Variants in DISP2 observed in about 807,000 individuals in gnomAD.
The protein encoded by DISP2 is protein dispatched homolog 2.
Under a neutral mutation model 95.5 loss-of-function variants are expected in DISP2, and 59 were observed. That is an observed-to-expected ratio of 0.62 (90% CI 0.50 to 0.77). The LOEUF is 0.77. Ranked by LOEUF, DISP2 falls within the 30% of genes least tolerant of loss-of-function variation. The probability of loss-of-function intolerance (pLI) is 0.00; values close to 1 mark genes in which losing one functional copy is unlikely to be tolerated. For synonymous variants in DISP2, 827 were observed against 815.0 expected, an observed-to-expected ratio of 1.01 and a Z score of -0.25; for missense variants, 1,752 against 1,854.6, an observed-to-expected ratio of 0.94 and a Z score of 1.02.
rs749138299 is a variant in DISP2, at chr15:40,358,254, ACCG to A, written c.-45_-43del. The A allele has an allele frequency of 4.5e-3, 4,426 of 991,582 alleles. No individual in the cohort carries two copies. The highest frequency in any genetic ancestry group is 0.013 in the East Asian group (269 of 20,536). The allele number at this position is 991,582 out of a possible 1,614,324, so 61.4% of individuals were successfully genotyped here. ...GCACCCCGCCGCCGCTGCCGCCGCC[ACCG>A]CCGCCGCCGCCGCCGCCGCCGCGGC... On this transcript the variant is annotated 5_prime_UTR_variant, in exon 1 of 8. Transcript: ENST00000267889.
At chr15:40,362,656 A>C (rs1485759365) in intron 1 of DISP2, among the ~76,000 whole-genome samples, 1 of 152,214 alleles carries the variant, frequency 6.6e-6, no homozygotes, top group Non-Finnish European at 1.5e-5. Flanking sequence ...AGATAGGGAG[A>C]TTGAGACCTG....
In DISP2 at chr15:40,367,432, G is replaced by GC. The variant is rs1889517405; in HGVS notation, c.1323dup (p.Thr442HisfsTer23). ...CCCTCAAGTACAGCCTGCTCTTCCT[G>GC]CCCACCCCAAAGGGTGCTTCCCTCA... On this transcript the variant is annotated frameshift_variant, in exon 8 of 8. Transcript: ENST00000267889. LOFTEE classifies it high-confidence loss of function. 1 of 1,613,380 alleles carries GC rather than the reference G, an allele frequency of 6.2e-7. No homozygotes were observed. Among genetic ancestry groups the GC allele is most frequent in the Non-Finnish European group, 8.5e-7 (1 of 1,179,912 alleles).
At chr15:40,362,274 C>A (rs1418682208) in intron 1 of DISP2, among the ~76,000 whole-genome samples, 1 of 152,190 alleles carries the variant, frequency 6.6e-6, no homozygotes, top group Non-Finnish European at 1.5e-5. Flanking sequence ...TTTCCCTGAC[C>A]ACCCCACCCC....
chr15:40,365,391 C>T, intron 6 of DISP2, 117 bp downstream of exon 6: 1 of 1,491,658 alleles, frequency 6.7e-7, no homozygotes, highest in South Asian at 1.3e-5. Context: ...CAGCTGGCCA[C>T]AGTCAAGCCA....
Position 40,364,454 on chromosome 15 carries a change from C to G in DISP2, c.513C>G (p.Ala171=), listed in dbSNP as rs765464880. The part of the protein sequence containing the change: ...YSQLIAEWPV[A]VLMLCLAVIF... ...AGCTGATTGCTGAGTGGCCAGTGGC[C>G]GTGCTGATGCTGTGTCTGGCTGTCA... The change falls in exon 4 of 8, where the codon GCC becomes GCG. Residue 171 remains alanine, a synonymous_variant. Coordinates refer to ENST00000267889, the MANE Select transcript of DISP2 (RefSeq NM_033510.3). 6.2e-7 allele frequency: 1 copy of G among 1,614,010 alleles called. No individual in the cohort carries two copies. The highest frequency in any genetic ancestry group is 8.5e-7 in the Non-Finnish European group (1 of 1,180,034).
In DISP2 at chr15:40,368,429, GT is replaced by G; in HGVS notation, c.2321del (p.Leu774TrpfsTer23). The G allele has an allele frequency of 1.2e-6, 2 of 1,609,578 alleles. No homozygotes were observed. ...PQGEGGHMPVVLVWGVLPVDT... is the reference protein window; with the variant it reads ...PQGEGGHMPVXLVWGVLPVDT... Reference sequence around the variant, plus strand: ...GGGCGAGGGCGGCCACATGCCCGTGGTTTTGGTGTGGGGCGTCCTGCCTGTG... The same window carrying G: ...GGGCGAGGGCGGCCACATGCCCGTGGTTTGGTGTGGGGCGTCCTGCCTGTG... On this transcript the variant is annotated frameshift_variant, in exon 8 of 8. Coordinates refer to ENST00000267889, the MANE Select transcript of DISP2 (RefSeq NM_033510.3). LOFTEE classifies it high-confidence loss of function.
chr15:40,364,782 C>T (rs1889469388), intron 4 of DISP2, 56 bp from the exon 5 acceptor site: 1 of 1,553,078 alleles, frequency 6.4e-7, no homozygotes, highest in African/African-American at 1.4e-5. Flanking sequence ...TGAGAAGCAC[C>T]CAAATGGAGA....
Position 40,369,149 on chromosome 15 carries a change from C to A in DISP2, c.3037C>A (p.Gln1013Lys). The change falls in exon 8 of 8, where the codon CAG becomes AAG. Residue 1013 changes from glutamine (Q) to lysine (K), a missense_variant. Coordinates refer to ENST00000267889, the MANE Select transcript of DISP2 (RefSeq NM_033510.3). ...TVGLLVLLEW[Q>K]LNTAEALFLS... Reference sequence around the variant, plus strand: ...AGGACTCCTGGTTCTCCTCGAGTGGCAGCTCAACACTGCCGAGGCCCTGTT... The same window carrying A: ...AGGACTCCTGGTTCTCCTCGAGTGGAAGCTCAACACTGCCGAGGCCCTGTT... 2.5e-6 allele frequency: 4 copies of A among 1,613,924 alleles called. No homozygotes were observed. Among genetic ancestry groups the A allele is most frequent in the Non-Finnish European group, 3.4e-6 (4 of 1,180,046 alleles).
In DISP2 at chr15:40,364,933, C is replaced by A. The variant is rs980187747; in HGVS notation, c.699C>A (p.Ser233=). The change falls in exon 5 of 8, where the codon TCC becomes TCA. Residue 233 remains serine (S), a synonymous_variant. Coordinates refer to ENST00000267889, the MANE Select transcript of DISP2 (RefSeq NM_033510.3). ...GCCCCAGGAAGCTGCTTTTCCTTTCCCCAGACCTTGAGCTGAACAGGTAAC... is the reference window on the plus strand; with the variant it reads ...GCCCCAGGAAGCTGCTTTTCCTTTCACCAGACCTTGAGCTGAACAGGTAAC... The part of the protein sequence containing the change: ...LTGPRKLLFL[S]PDLELNSSSS... 1.2e-6 allele frequency: 2 copies of A among 1,614,118 alleles called. No individual in the cohort carries two copies. The highest frequency in any genetic ancestry group is 2.7e-5 in the African/African-American group (2 of 75,038).
In DISP2 at chr15:40,371,130, AC is replaced by A. The variant is rs1889637963; in HGVS notation, c.*815del. ...CTGACATTGGTCAGGTTCTTTTGACACCCAATTTATAGGTAAAGACATTGAG... is the reference window on the plus strand; with the variant it reads ...CTGACATTGGTCAGGTTCTTTTGACACCAATTTATAGGTAAAGACATTGAG... On this transcript the variant is annotated 3_prime_UTR_variant, in exon 8 of 8. Coordinates refer to ENST00000267889, the MANE Select transcript of DISP2 (RefSeq NM_033510.3). 1 of 154,340 alleles carries A rather than the reference AC, an allele frequency of 6.5e-6. No homozygotes were observed. Among genetic ancestry groups the A allele is most frequent in the Admixed American group, 6.3e-5 (1 of 15,762 alleles). 9.6% of individuals were successfully genotyped at this position (154,340 alleles called of 1,614,324 possible). A position where few individuals can be genotyped will look rare whatever the true frequency, so the allele number is the denominator to read the frequency against.
intron 1 of DISP2, among the ~76,000 whole-genome samples, chr15:40,359,465 A>G (rs898697426): frequency 2.6e-5 from 4 of 152,276 alleles, no homozygotes; most frequent in African/African-American, 9.6e-5. Flanking sequence ...AAAGCCTTCA[A>G]GAAGGTGAGA....
At position 40,371,976 on chromosome 15, in the gene DISP2, GA is replaced by G. The variant is rs1167606240; in HGVS notation, c.*1663del. The stretch of plus-strand genomic sequence containing the variant: ...TAACAAGAAAGGCTTTCTGGAGGAG[GA>G]AAAACTTGAGCTGGGCTTCAGAAGA... On this transcript the variant is annotated 3_prime_UTR_variant, in exon 8 of 8. Coordinates refer to ENST00000267889, the MANE Select transcript of DISP2 (RefSeq NM_033510.3). 6.6e-6 allele frequency: 1 copy of G among 152,170 alleles called. No homozygotes were observed. Among genetic ancestry groups the G allele is most frequent in the Non-Finnish European group, 1.5e-5 (1 of 68,040 alleles). 9.4% of individuals were successfully genotyped at this position (152,170 alleles called of 1,614,324 possible). A position where few individuals can be genotyped will look rare whatever the true frequency, so the allele number is the denominator to read the frequency against.
rs778360055 is a variant in DISP2 at position 40,370,331 on chromosome 15, G to T, written c.*13G>T. On this transcript the variant is annotated 3_prime_UTR_variant, in exon 8 of 8. Coordinates refer to ENST00000267889, the MANE Select transcript of DISP2 (RefSeq NM_033510.3). ...CTATAGCAGCTGAGGGGGACCCGGG[G>T]AGGCTGGACAGGGCGCGGAACCCTG... The T allele has an allele frequency of 1.2e-5, 18 of 1,519,686 alleles. No individual in the cohort carries two copies. In the South Asian group the frequency reaches 2.2e-4, roughly 18 times the overall value. The allele number at this position is 1,519,686 out of a possible 1,614,324, so 94.1% of individuals were successfully genotyped here. A position where few individuals can be genotyped will look rare whatever the true frequency, so the allele number is the denominator to read the frequency against.
Position 40,361,765 on chromosome 15 carries a change from AC to A in DISP2, c.120-1859del, listed in dbSNP as rs574211163. On this transcript the variant is annotated intron_variant, in intron 1 of 7. Transcript: ENST00000267889. ...ATGCCCATCTGCCACTGAGGCTGGG[AC>A]TGCAGCTCACAGCCCCTTCAGCAGT... 5.4e-4 allele frequency among the ~76,000 whole-genome samples: 83 copies of A among 152,294 alleles called. No homozygotes were observed. The Middle Eastern group carries it at 0.014, about 25-fold the overall frequency.
chr15:40,363,648 C>G lies in DISP2; in HGVS notation c.143C>G (p.Pro48Arg). ...PDSTQTKAVP[P>R]EASPERSCSL... ...AGCACCCAGACCAAGGCTGTGCCCC[C>G]TGAGGCAAGCCCAGAGAGAAGCTGC... Residue 48 changes from proline to arginine, a missense_variant, in exon 2 of 8, where the codon CCT becomes CGT. Physicochemically the swap from Pro to Arg is moderately radical, Grantham distance 103 (BLOSUM62 -2). This residue lies in a region of DISP2 where 342 missense variants were observed against 364.3 expected (regional missense o/e 0.94). Coordinates refer to ENST00000267889, the MANE Select transcript of DISP2 (RefSeq NM_033510.3). 1.3e-6 allele frequency: 2 copies of G among 1,554,296 alleles called. No individual in the cohort carries two copies. The highest frequency in any genetic ancestry group is 1.7e-6 in the Non-Finnish European group (2 of 1,149,640).
In DISP2 at chr15:40,358,458, GCAGATCCGTATCACAGACCCTCC is replaced by G; in HGVS notation, c.119+23_119+45del. 7.8e-7 allele frequency: 1 copy of G among 1,288,054 alleles called. No individual in the cohort carries two copies. The highest frequency in any genetic ancestry group is 3.1e-5 in the East Asian group (1 of 31,958). 79.8% of individuals were successfully genotyped at this position (1,288,054 alleles called of 1,614,324 possible). ...CCGGACAGGTAGGGCGGACAGCTCC[GCAGATCCGTATCACAGACCCTCC>G]CAGACCCTCCCCGCCCCAGGTATCC... On this transcript the variant is annotated intron_variant, in intron 1 of 7. Transcript: ENST00000267889.
rs1035085323 is a variant in DISP2, at chr15:40,368,057, G to T, written c.1945G>T (p.Ala649Ser). 14 of 1,502,722 alleles carry T rather than the reference G, an allele frequency of 9.3e-6. No individual in the cohort carries two copies. Among genetic ancestry groups the T allele is most frequent in the African/African-American group, 4.3e-5 (3 of 69,964 alleles). 93.1% of individuals were successfully genotyped at this position (1,502,722 alleles called of 1,614,324 possible). Reference protein sequence around the residue: ...ASAVLHERYLARGCARRARGR... With the variant: ...ASAVLHERYLSRGCARRARGR... ...CGCCGTGCTCCACGAGCGCTACCTGGCGCGCGGCTGTGCGCGCCGGGCGCG... is the reference window on the plus strand; with the variant it reads ...CGCCGTGCTCCACGAGCGCTACCTGTCGCGCGGCTGTGCGCGCCGGGCGCG... Residue 649 changes from alanine (A) to serine (S), a missense_variant, in exon 8 of 8, where the codon GCG becomes TCG. Physicochemically the swap from Ala to Ser is moderately conservative, Grantham distance 99 (BLOSUM62 1). Coordinates refer to ENST00000267889, the MANE Select transcript of DISP2 (RefSeq NM_033510.3).
At position 40,367,068 on chromosome 15, in the gene DISP2, A is replaced by G; in HGVS notation, c.956A>G (p.His319Arg). 1.2e-6 allele frequency: 2 copies of G among 1,610,206 alleles called. No homozygotes were observed. The highest frequency in any genetic ancestry group is 2.2e-5 in the East Asian group (1 of 44,882). The change falls in exon 8 of 8, where the codon CAT becomes CGT. Residue 319 changes from histidine (H) to arginine (R), a missense_variant. Around this residue, in one of 5 missense-constraint regions of DISP2, gnomAD observed 732 missense variants for 714.6 expected, o/e 1.02. Coordinates refer to ENST00000267889, the MANE Select transcript of DISP2 (RefSeq NM_033510.3). ...GCGTGTGCCCTACAGATCCGCTCCC[A>G]TACCAGCTTCGGGGCTCTGTGCCAG... ...CRMEQDQIRS[H>R]TSFGALCQRT...
Position 40,377,309 on chromosome 15 carries a change from G to A in DISP2, c.*6991G>A, listed in dbSNP as rs377241084. The A allele has an allele frequency of 2.0e-4, 27 of 137,218 alleles. No homozygotes were observed. The highest frequency in any genetic ancestry group is 5.9e-4 in the East Asian group (3 of 5,070). 8.5% of individuals were successfully genotyped at this position (137,218 alleles called of 1,614,324 possible). A position where few individuals can be genotyped will look rare whatever the true frequency, so the allele number is the denominator to read the frequency against. On this transcript the variant is annotated 3_prime_UTR_variant, in exon 8 of 8. Transcript: ENST00000267889. ...ACTGCACTCCATCCTGGGCAACAGA[G>A]TCTCAAAAAAAAAAAAAAAAATTTT...
Sources: gnomAD v4.1 joint callset for allele counts (sites outside exome capture counted in the v4.1 genomes callset) on GRCh38, gnomAD v4.1.1 for gene constraint, gnomAD v4.1.1 regional missense constraint, MANE v1.5 for transcripts, NCBI Gene and HGNC (gene_info 2026-07-23, HGNC 2026-07-21) for gene names.